CPOX: variants seen among roughly 807,000 people sequenced by gnomAD.
CPOX encodes the protein oxygen-dependent coproporphyrinogen-III oxidase, mitochondrial.
In CPOX, 24 loss-of-function variants were observed where a neutral mutation model predicts 48.9. That is an observed-to-expected ratio of 0.49 (90% CI 0.36 to 0.69). The LOEUF (loss-of-function observed/expected upper bound fraction) is 0.69. Ranked by LOEUF, CPOX falls within the 30% of genes least tolerant of loss-of-function variation. CPOX has a pLI of 0.00. For synonymous variants in CPOX, 249 were observed against 234.6 expected, an observed-to-expected ratio of 1.06 and a Z score of -0.56; for missense variants, 549 against 597.3, an observed-to-expected ratio of 0.92 and a Z score of 0.84.
At chr3:98,588,058 C>A (rs1349549409) in intron 4 of CPOX, among the ~76,000 whole-genome samples, 3 of 152,144 alleles carry the variant, frequency 2.0e-5, no homozygotes. Context: ...TATTAACATT[C>A]CACAACTATT....
intron 5 of CPOX, among the ~76,000 whole-genome samples, chr3:98,583,181 C>A (rs575220641): frequency 4.7e-4 from 71 of 152,212 alleles, no homozygotes; most frequent in African/African-American, 1.2e-3. Context: ...GTGAAGGATG[C>A]CCCTTTCTCT....
At position 98,591,163 on chromosome 3, in the gene CPOX, T is replaced by C. The variant is rs373551666; in HGVS notation, c.557-8A>G. 11 of 1,613,984 alleles carry C rather than the reference T, an allele frequency of 6.8e-6. No individual in the cohort carries two copies. Among genetic ancestry groups the C allele is most frequent in the Middle Eastern group, 1.6e-4 (1 of 6,084 alleles). ...AGCTGATGCCGCCACCTCCTGTGTA[T>C]AGAAATGTAAAAAAGGAGAGAATGT... On this transcript the variant is annotated splice_region_variant and splice_polypyrimidine_tract_variant and intron_variant, in intron 1 of 6. Coordinates refer to ENST00000647941, the MANE Select transcript of CPOX (RefSeq NM_000097.7).
At chr3:98,578,783 GCTTAGTATTT>G (rs1259898608), downstream of CPOX, among the ~76,000 whole-genome samples, 1 of 152,120 alleles carries the variant, frequency 6.6e-6, no homozygotes, top group Admixed American at 6.6e-5. Context: ...CCTTTTCATT[GCTTAGTATTT>G]TAATATACGC....
the CPOX span, among the ~76,000 whole-genome samples, chr3:98,572,858 T>C: frequency 4.1e-3 from 632 of 152,338 alleles, 4 homozygotes; most frequent in Non-Finnish European, 7.3e-3. Context: ...TAAAAACGTA[T>C]ACACTATTTG....
chr3:98,593,496 CA>C lies in CPOX; in HGVS notation c.8del (p.Leu3CysfsTer6), dbSNP rs1707532628. ...GGCCCGAGCTCAGCCTGCCCAGCTG[CA>C]AGGCCATGTTCCCGCACTATCACCT... MA[L>X]QLGRLSSGPC... On this transcript the variant is annotated frameshift_variant, in exon 1 of 7. Coordinates refer to ENST00000647941, the MANE Select transcript of CPOX (RefSeq NM_000097.7). LOFTEE classifies it high-confidence loss of function. 6.6e-7 allele frequency: 1 copy of C among 1,520,514 alleles called. No individual in the cohort carries two copies. Among genetic ancestry groups the C allele is most frequent in the African/African-American group, 1.4e-5 (1 of 71,694 alleles). The allele number at this position is 1,520,514 out of a possible 1,614,324, so 94.2% of individuals were successfully genotyped here.
the CPOX span, among the ~76,000 whole-genome samples, chr3:98,571,799 T>C: frequency 1.5e-4 from 23 of 152,128 alleles, no homozygotes; most frequent in Admixed American, 5.2e-4. Context: ...GTAATTTTGG[T>C]TTATATTTCC....
Position 98,585,623 on chromosome 3 carries a change from T to C in CPOX, c.990A>G (p.Glu330=), listed in dbSNP as rs1729995. ...AAAAGATACCACCAATGCCCCGCCGTTCTCCACGATGGGCTATAAAGAAGT... is the reference window on the plus strand; with the variant it reads ...AAAAGATACCACCAATGCCCCGCCGCTCTCCACGATGGGCTATAAAGAAGT... The part of the protein sequence containing the change: ...DDYFFIAHRG[E]RRGIGGIFFD... Residue 330 remains glutamate, a synonymous_variant, in exon 5 of 7, where the codon GAA becomes GAG. Transcript: ENST00000647941. 1,117,963 of 1,613,094 alleles carry C rather than the reference T, an allele frequency of 0.69. 389,980 individuals are homozygous for C. Among genetic ancestry groups the C allele is most frequent in the African/African-American group, 0.89 (66,458 of 74,948 alleles).
chr3:98,576,459 A>T (rs978923940), downstream of CPOX, among the ~76,000 whole-genome samples: 1 of 152,202 alleles, frequency 6.6e-6, no homozygotes, highest in African/African-American at 2.4e-5. Context: ...GGGGATTACA[A>T]TTCCAGGTGA....
chr3:98,581,570 C>T, intron 5 of CPOX, 59 bp from the exon 6 acceptor site: 1 of 1,364,988 alleles, frequency 7.3e-7, no homozygotes, highest in East Asian at 2.3e-5. Flanking sequence ...TAAGACTAAC[C>T]CATAACAAAT....
chr3:98,586,740 C>T (rs947394992), intron 4 of CPOX, among the ~76,000 whole-genome samples: 3 of 152,132 alleles, frequency 2.0e-5, no homozygotes, highest in South Asian at 4.2e-4. Flanking sequence ...GTCAGGAGAT[C>T]GAGACCATCC....
rs886058944 is a variant in CPOX at position 98,580,184 on chromosome 3, A to ATG, written c.*498_*499insCA. Reference sequence around the variant, plus strand: ...TTATGTTCTCTGGAGAAAGATATATAAGGATTACAGCAGAGACTTCAGTAT... The same window carrying ATG: ...TTATGTTCTCTGGAGAAAGATATATATGAGGATTACAGCAGAGACTTCAGTAT... On this transcript the variant is annotated 3_prime_UTR_variant, in exon 7 of 7. Transcript: ENST00000647941. 69 of 986,390 alleles carry ATG rather than the reference A, an allele frequency of 7.0e-5. No homozygotes were observed. The highest frequency in any genetic ancestry group is 2.3e-5 in the Non-Finnish European group (19 of 829,808). 61.1% of individuals were successfully genotyped at this position (986,390 alleles called of 1,614,324 possible).
chr3:98,593,085 C>T lies in CPOX; in HGVS notation c.420G>A (p.Glu140=), dbSNP rs1232512639. The T allele has an allele frequency of 1.2e-6, 2 of 1,613,952 alleles. No individual in the cohort carries two copies. Among genetic ancestry groups the T allele is most frequent in the Non-Finnish European group, 1.7e-6 (2 of 1,179,970 alleles). ...TCATGTCGCCCGGCCTCCTTCGCAG[C>T]TCGCCCAGGTCGGTCACAGGCGGGG... ...FMAPPVTDLG[E]LRRRPGDMKT... The change falls in exon 1 of 7, where the codon GAG becomes GAA. Residue 140 remains glutamate, a synonymous_variant. Coordinates refer to ENST00000647941, the MANE Select transcript of CPOX (RefSeq NM_000097.7).
chr3:98,579,183 T>C (rs1289488317), downstream of CPOX, among the ~76,000 whole-genome samples: 1 of 152,244 alleles, frequency 6.6e-6, no homozygotes, highest in Non-Finnish European at 1.5e-5. Context: ...AACATTTTCA[T>C]TTCTTTAGCT....
Position 98,580,145 on chromosome 3 carries a change from T to C in CPOX, c.*538A>G, listed in dbSNP as rs1401750198. ...TAAATACCTATTAGAAAAATGTGTA[T>C]CTATTTGACAATATTATGTTCTCTG... is the stretch of plus-strand genomic sequence containing the variant. On this transcript the variant is annotated 3_prime_UTR_variant, in exon 7 of 7. Coordinates refer to ENST00000647941, the MANE Select transcript of CPOX (RefSeq NM_000097.7). 1.0e-6 allele frequency: 1 copy of C among 978,378 alleles called. No individual in the cohort carries two copies. The highest frequency in any genetic ancestry group is 1.2e-6 in the Non-Finnish European group (1 of 823,314). 60.6% of individuals were successfully genotyped at this position (978,378 alleles called of 1,614,324 possible).
At chr3:98,585,254 TTAAA>T (rs1377404873) in intron 5 of CPOX, among the ~76,000 whole-genome samples, 183 bp downstream of exon 5, 6 of 152,210 alleles carry the variant, frequency 3.9e-5, no homozygotes, top group Non-Finnish European at 5.9e-5. Flanking sequence ...TATAGATGAA[TTAAA>T]TAAACTTTGC....
downstream of CPOX, among the ~76,000 whole-genome samples, chr3:98,576,807 A>T (rs932947723): frequency 6.6e-6 from 1 of 152,192 alleles, no homozygotes. Flanking sequence ...AGACAGTTAT[A>T]CAGACAACTA....
intron 3 of CPOX, among the ~76,000 whole-genome samples, chr3:98,590,318 T>C (rs1447166688): frequency 6.6e-6 from 1 of 152,222 alleles, no homozygotes; most frequent in Non-Finnish European, 1.5e-5. Flanking sequence ...CAGCTAAGTT[T>C]TTGTATTTTT....
intron 1 of CPOX, among the ~76,000 whole-genome samples, chr3:98,591,737 G>A (rs1277372412): frequency 1.3e-5 from 2 of 152,058 alleles, no homozygotes; most frequent in African/African-American, 4.8e-5. Context: ...CAAGGGCAAT[G>A]TTTCATGAAA....
At position 98,585,475 on chromosome 3, in the gene CPOX, G is replaced by T. The variant is rs201231166; in HGVS notation, c.1138C>A (p.Gln380Lys). ...KKHCDDSFTP[Q>K]EKLWQQLRRG... ...CTGAGCTGCTGCCACAGCTTCTCCT[G>T]GGGGGTGAATGAGTCATCACAGTGC... is the stretch of plus-strand genomic sequence containing the variant. The change falls in exon 5 of 7, where the codon CAG (glutamine) becomes AAG (lysine). Residue 380 changes from glutamine (Q) to lysine (K), a missense_variant. Coordinates refer to ENST00000647941, the MANE Select transcript of CPOX (RefSeq NM_000097.7). The T allele has an allele frequency of 5.6e-6, 9 of 1,613,842 alleles. No homozygotes were observed. The highest frequency in any genetic ancestry group is 7.6e-6 in the Non-Finnish European group (9 of 1,179,854).
Sources: gnomAD v4.1 joint callset for allele counts (sites outside exome capture counted in the v4.1 genomes callset) on GRCh38, gnomAD v4.1.1 for gene constraint, MANE v1.5 for transcripts, NCBI Gene and HGNC (gene_info 2026-07-23, HGNC 2026-07-21) for gene names.